TAFA2: variants seen among roughly 807,000 people sequenced by gnomAD.
TAFA2 encodes the protein chemokine-like protein TAFA-2.
In TAFA2, 7 loss-of-function variants were observed where a neutral mutation model predicts 18.8. That is an observed-to-expected ratio of 0.37 (90% CI 0.21 to 0.70). The LOEUF (loss-of-function observed/expected upper bound fraction) is 0.70, where lower values mean the gene tolerates loss of function less well. TAFA2 is among the 30% of genes least tolerant of loss of function. The pLI is 0.53. For synonymous variants in TAFA2, 60 were observed against 54.2 expected, an observed-to-expected ratio of 1.11 and a Z score of -0.47; for missense variants, 122 against 158.1, an observed-to-expected ratio of 0.77 and a Z score of 1.23.
intron 1 of TAFA2, among the ~76,000 whole-genome samples, chr12:62,183,437 G>A (rs976111193): frequency 2.0e-5 from 3 of 152,196 alleles, no homozygotes. Flanking sequence ...AGGCTGGAGT[G>A]CAGTGGCACC....
intron 1 of TAFA2, among the ~76,000 whole-genome samples, chr12:62,025,695 AAC>A (rs1223259615): frequency 6.6e-6 from 1 of 152,086 alleles, no homozygotes; most frequent in Non-Finnish European, 1.5e-5. Flanking sequence ...TGCTTTGTGT[AAC>A]ACTTAGTAGA....
intron 4 of TAFA2, among the ~76,000 whole-genome samples, chr12:61,737,339 CCTAA>C (rs754946916): frequency 3.3e-5 from 5 of 151,596 alleles, no homozygotes; most frequent in South Asian, 2.1e-4. Flanking sequence ...TTCAATTTCT[CCTAA>C]CTTTTTTTCA....
intron 1 of TAFA2, among the ~76,000 whole-genome samples, chr12:61,999,359 A>C (rs1880304076): frequency 6.6e-6 from 1 of 152,206 alleles, no homozygotes; most frequent in Admixed American, 6.5e-5. Flanking sequence ...CCAACTAAGA[A>C]GATTTGTCAG....
intron 2 of TAFA2, among the ~76,000 whole-genome samples, chr12:61,764,119 A>G (rs1869681630): frequency 6.6e-6 from 1 of 151,988 alleles, no homozygotes; most frequent in Non-Finnish European, 1.5e-5. Flanking sequence ...TCTAACAGTC[A>G]CACCTCCTAC....
chr12:61,829,353 AT>A (rs1345031484), intron 2 of TAFA2, among the ~76,000 whole-genome samples: 2 of 151,776 alleles, frequency 1.3e-5, no homozygotes, highest in Non-Finnish European at 3.0e-5. Flanking sequence ...TGATCATGTA[AT>A]GGATAGATTA....
chr12:62,184,469 T>C (rs1403100816), intron 1 of TAFA2, among the ~76,000 whole-genome samples: 1 of 147,614 alleles, frequency 6.8e-6, no homozygotes, highest in Non-Finnish European at 1.5e-5. Flanking sequence ...CCATGATACT[T>C]AGTGGGTCTG....
chr12:62,001,055 A>G (rs576332747), intron 1 of TAFA2, among the ~76,000 whole-genome samples: 27 of 152,318 alleles, frequency 1.8e-4, no homozygotes, highest in African/African-American at 6.3e-4. Context: ...CATTCTACAG[A>G]AATAACAAAA....
intron 1 of TAFA2, among the ~76,000 whole-genome samples, chr12:62,068,671 A>G (rs1444123932): frequency 6.6e-6 from 1 of 152,156 alleles, no homozygotes; most frequent in Non-Finnish European, 1.5e-5. Context: ...ATTTACAAAT[A>G]TAATTCAAAA....
chr12:62,041,910 T>C (rs1193721529), intron 1 of TAFA2, among the ~76,000 whole-genome samples: 1 of 152,138 alleles, frequency 6.6e-6, no homozygotes, highest in African/African-American at 2.4e-5. Flanking sequence ...AAAGAAGATT[T>C]CAATATTGCT....
chr12:61,877,548 T>C (rs983522396), intron 1 of TAFA2, among the ~76,000 whole-genome samples: 3 of 152,142 alleles, frequency 2.0e-5, no homozygotes, highest in African/African-American at 7.2e-5. Context: ...AAGAACACCC[T>C]GAGGAAAGCC....
In TAFA2 at chr12:62,215,511, A is replaced by G. The variant is rs150536195; in HGVS notation, c.-130+43252T>C. Among the ~76,000 whole-genome samples the G allele has an allele frequency of 9.8e-3, 1,401 of 142,474 alleles. 26 individuals are homozygous for G. The highest frequency in any genetic ancestry group is 0.034 in the African/African-American group (1,329 of 38,816). The allele number at this position is 142,474 out of a possible 152,430, so 93.5% of individuals were successfully genotyped here. ...TAAATAAGTACAATCTTACTCAGGG[A>G]AAATTTACTGCAGCCACAGTCTCTG... On this transcript the variant is annotated intron_variant, in intron 1 of 5. Coordinates refer to the TAFA2 transcript ENST00000551619.
chr12:61,751,560 C>G (rs908110816), intron 4 of TAFA2, among the ~76,000 whole-genome samples: 1 of 151,924 alleles, frequency 6.6e-6, no homozygotes. Flanking sequence ...AATCTAAACA[C>G]CTACTGTTGT....
rs916212152 is a variant in TAFA2 at position 61,709,385 on chromosome 12, A to C, written c.*1021T>G. On this transcript the variant is annotated 3_prime_UTR_variant, in exon 5 of 5. Coordinates refer to ENST00000416284, the MANE Select transcript of TAFA2 (RefSeq NM_178539.5). ...AGATTGAACAAATATATAAGCATTC[A>C]AACAGTCATTGGGATCAAGCAAAAG... 2 of 152,126 alleles carry C rather than the reference A, an allele frequency of 1.3e-5. No individual in the cohort carries two copies. The highest frequency in any genetic ancestry group is 2.9e-5 in the Non-Finnish European group (2 of 67,994). 9.4% of individuals were successfully genotyped at this position (152,126 alleles called of 1,614,324 possible).
chr12:61,838,370 TGAGTTTC>T (rs1384466353), intron 2 of TAFA2, among the ~76,000 whole-genome samples: 11 of 151,964 alleles, frequency 7.2e-5, no homozygotes, highest in Non-Finnish European at 1.3e-4. Flanking sequence ...TAATTGAATA[TGAGTTTC>T]TGTAACTCTC....
At position 61,861,424 on chromosome 12, in the gene TAFA2, T is replaced by A. The variant is rs188958964; in HGVS notation, c.106+5896A>T. On this transcript the variant is annotated intron_variant, in intron 2 of 4. Coordinates refer to ENST00000416284, the MANE Select transcript of TAFA2 (RefSeq NM_178539.5). ...GCCAGCGCACCTGGATAATTTTTTT[T>A]AATCATTTTTCTTAGAAATGGGCTC... Among the ~76,000 whole-genome samples the A allele has an allele frequency of 2.4e-3, 364 of 152,108 alleles. 4 individuals are homozygous for A. The highest frequency in any genetic ancestry group is 5.6e-3 in the African/African-American group (231 of 41,490).
chr12:61,971,852 C>T, intron 1 of TAFA2, among the ~76,000 whole-genome samples: 1 of 151,788 alleles, frequency 6.6e-6, no homozygotes, highest in Non-Finnish European at 1.5e-5. Flanking sequence ...TGCACATGTA[C>T]CCTAGAACTT....
At chr12:62,189,940 T>TGTGTG (rs2062610988) in intron 1 of TAFA2, among the ~76,000 whole-genome samples, 17 of 142,022 alleles carry the variant, frequency 1.2e-4, no homozygotes, top group South Asian at 2.3e-4. Context: ...TGAGTTTGCT[T>TGTGTG]TGTGTGTGTG....
At chr12:61,880,355 GCC>G in intron 1 of TAFA2, 1 of 509,100 alleles carries the variant, frequency 2.0e-6, no homozygotes. Flanking sequence ...CAGGGAGCTG[GCC>G]ATTAAGGATG....
chr12:61,872,742 A>G (rs775534447), intron 1 of TAFA2, among the ~76,000 whole-genome samples: 23 of 151,930 alleles, frequency 1.5e-4, no homozygotes, highest in Non-Finnish European at 2.9e-4. Context: ...CTAAACGTTA[A>G]TTCTGCCATG....
Sources: gnomAD v4.1 joint callset for allele counts (sites outside exome capture counted in the v4.1 genomes callset) on GRCh38, gnomAD v4.1.1 for gene constraint, MANE v1.5 for transcripts, NCBI Gene and HGNC (gene_info 2026-07-23, HGNC 2026-07-21) for gene names.